SSRP1: variants seen among roughly 807,000 people sequenced by gnomAD.
SSRP1 encodes the protein FACT complex subunit SSRP1.
In SSRP1, 21 loss-of-function variants were observed where a neutral mutation model predicts 84.4. The ratio of observed to expected loss-of-function variants is 0.25; its 90% CI spans 0.18 to 0.36. SSRP1 has a LOEUF of 0.36. Among genes scored for constraint, SSRP1 ranks in the 10% least tolerant of loss-of-function variants. The pLI is 1.00. For synonymous variants in SSRP1, 319 were observed against 318.3 expected (o/e 1.00, Z -0.02); for missense variants, 519 against 900.8 (o/e 0.58, Z 5.43).
chr11:57,333,347 T>A, intron 4 of SSRP1, 88 bp downstream of exon 4: 1 of 1,252,798 alleles, frequency 8.0e-7, no homozygotes, highest in Non-Finnish European at 1.2e-6. Context: ...CCAGAGACAG[T>A]GGCAGAGGGA....
chr11:57,328,481 C>T, intron 12 of SSRP1, 55 bp from the exon 13 acceptor site: 2 of 1,607,036 alleles, frequency 1.2e-6, no homozygotes, highest in Non-Finnish European at 1.7e-6. Flanking sequence ...GACCCCACGG[C>T]CTCAGGACAG....
chr11:57,326,241 T>G lies in SSRP1; in HGVS notation c.*166A>C. 3 of 659,718 alleles carry G rather than the reference T, an allele frequency of 4.5e-6. No homozygotes were observed. The allele number at this position is 659,718 out of a possible 1,614,324, so 40.9% of individuals were successfully genotyped here. On this transcript the variant is annotated 3_prime_UTR_variant, in exon 17 of 17. Coordinates refer to ENST00000278412, the MANE Select transcript of SSRP1 (RefSeq NM_003146.3). ...AGCCATCCTTGGGAAGCAGCAGAGT[T>G]AAGACGTCTCCCCACTGCCCTAGTG...
chr11:57,332,690 G>A lies in SSRP1; in HGVS notation c.703C>T (p.Pro235Ser). 1 of 1,614,014 alleles carries A rather than the reference G, an allele frequency of 6.2e-7. No individual in the cohort carries two copies. Among genetic ancestry groups the A allele is most frequent in the Non-Finnish European group, 8.5e-7 (1 of 1,180,000 alleles). The change falls in exon 6 of 17, where the codon CCC (proline) becomes TCC (serine). Residue 235 changes from proline to serine, a missense_variant. Pro to Ser is a moderately conservative substitution (Grantham distance 74). Transcript: ENST00000278412. The surrounding 1 kb of genome is among the most constrained non-coding windows in gnomAD (Gnocchi z 5.5). ...AACAGACGCAGTACTGTGGTGTAGG[G>A]GATCTTGTAGTCAAAGGTCTTGCCA... The part of the protein sequence containing the change: ...LHGKTFDYKI[P>S]YTTVLRLFLL...
Position 57,326,824 on chromosome 11 carries a change from C to T in SSRP1, c.1937G>A (p.Gly646Asp). 6.2e-7 allele frequency: 1 copy of T among 1,614,218 alleles called. No individual in the cohort carries two copies. Among genetic ancestry groups the T allele is most frequent in the Non-Finnish European group, 8.5e-7 (1 of 1,180,028 alleles). The change falls in exon 16 of 17, where the codon GGC (glycine) becomes GAC (aspartate). Residue 646 changes from glycine (G) to aspartate (D), a missense_variant. Coordinates refer to ENST00000278412, the MANE Select transcript of SSRP1 (RefSeq NM_003146.3). ...CCTTGAGGACGACTTGGATGATGAG[C>T]CCCTAGAGGGCGTGGATTTCTTTTC... ...KMEKKSTPSR[G>D]SSSKSSSRQL...
At chr11:57,327,356 A>G in intron 15 of SSRP1, 70 bp downstream of exon 15, 1 of 1,480,000 alleles carries the variant, frequency 6.8e-7, no homozygotes, top group Non-Finnish European at 9.4e-7. Context: ...CCAATGCTCA[A>G]CTTCGGCCTG....
intron 15 of SSRP1, chr11:57,327,157 C>G (rs1028637390): frequency 1.5e-6 from 1 of 661,224 alleles, no homozygotes; most frequent in African/African-American, 1.8e-5. Context: ...GCAAACTGTG[C>G]ACTGCACTCC....
intron 16 of SSRP1, 105 bp from the exon 17 acceptor site, chr11:57,326,583 C>T: frequency 6.3e-7 from 1 of 1,588,422 alleles, no homozygotes; most frequent in Non-Finnish European, 8.6e-7. Flanking sequence ...TACAGCACCC[C>T]CCTTCAGAAC....
rs760247063 is a variant in SSRP1 at position 57,326,386 on chromosome 11, A to G, written c.*21T>C. The G allele has an allele frequency of 1.2e-6, 2 of 1,613,820 alleles. No homozygotes were observed. Among genetic ancestry groups the G allele is most frequent in the Admixed American group, 1.7e-5 (1 of 60,018 alleles). On this transcript the variant is annotated 3_prime_UTR_variant, in exon 17 of 17. Coordinates refer to ENST00000278412, the MANE Select transcript of SSRP1 (RefSeq NM_003146.3). Reference sequence around the variant, plus strand: ...TCGGGGGGTGTGAGAAGGCAAGCGCAAAGAGAACCTTCCTCCGTTTCTACT... The same window carrying G: ...TCGGGGGGTGTGAGAAGGCAAGCGCGAAGAGAACCTTCCTCCGTTTCTACT...
chr11:57,326,829 A>G lies in SSRP1; in HGVS notation c.1932T>C (p.Ser644=), dbSNP rs1590603371. 1 of 1,614,184 alleles carries G rather than the reference A, an allele frequency of 6.2e-7. No homozygotes were observed. Among genetic ancestry groups the G allele is most frequent in the Non-Finnish European group, 8.5e-7 (1 of 1,180,026 alleles). Residue 644 remains serine, a synonymous_variant, in exon 16 of 17, where the codon TCT becomes TCC. Coordinates refer to ENST00000278412, the MANE Select transcript of SSRP1 (RefSeq NM_003146.3). ...KVKMEKKSTP[S]RGSSSKSSSR... ...AGGACGACTTGGATGATGAGCCCCT[A>G]GAGGGCGTGGATTTCTTTTCCATCT...
At position 57,330,328 on chromosome 11, in the gene SSRP1, A is replaced by G. The variant is rs753993803; in HGVS notation, c.1398T>C (p.Asn466=). Residue 466 remains asparagine, a synonymous_variant, in exon 11 of 17, where the codon AAT becomes AAC. Coordinates refer to ENST00000278412, the MANE Select transcript of SSRP1 (RefSeq NM_003146.3). This position sits in a 1 kb window ranked among gnomAD's most constrained non-coding sequence, Gnocchi z 4.0. ...MKEEGKIREE[N]ANDSSDDSGE... Reference sequence around the variant, plus strand: ...CTGAGTCATCGCTGCTGTCATTGGCATTCTCCTCCCGGATCTTGCCTTCCT... The same window carrying G: ...CTGAGTCATCGCTGCTGTCATTGGCGTTCTCCTCCCGGATCTTGCCTTCCT... 16 of 1,614,032 alleles carry G rather than the reference A, an allele frequency of 9.9e-6. No individual in the cohort carries two copies. The highest frequency in any genetic ancestry group is 1.4e-5 in the Non-Finnish European group (16 of 1,180,050).
intron 4 of SSRP1, 119 bp from the exon 5 acceptor site, chr11:57,333,268 A>C: frequency 8.2e-7 from 1 of 1,219,108 alleles, no homozygotes; most frequent in Non-Finnish European, 1.2e-6. Flanking sequence ...TTAGACTATA[A>C]CCCCAACCCC....
Position 57,333,547 on chromosome 11 carries a change from G to A in SSRP1, c.241-7C>T, listed in dbSNP as rs780558710. The A allele has an allele frequency of 1.9e-6, 3 of 1,605,444 alleles. No individual in the cohort carries two copies. Among genetic ancestry groups the A allele is most frequent in the Non-Finnish European group, 2.6e-6 (3 of 1,172,480 alleles). On this transcript the variant is annotated splice_region_variant and splice_polypyrimidine_tract_variant and intron_variant, in intron 3 of 16. Transcript: ENST00000278412. ...CAGAGAGTTTCTCAAACTCCTGTGG[G>A]TGGAGGGAAGAAAGCACAATCCCAG...
Position 57,328,324 on chromosome 11 carries a change from G to A in SSRP1, c.1584C>T (p.Asp528=), listed in dbSNP as rs762902374. 1 of 1,614,162 alleles carries A rather than the reference G, an allele frequency of 6.2e-7. No individual in the cohort carries two copies. The highest frequency in any genetic ancestry group is 1.1e-5 in the South Asian group (1 of 91,078). ...KQLKKAKMAK[D]RKSRKKPVEV... ...CCACAGGCTTCTTGCGGCTCTTGCG[G>A]TCCTTGGCCATCTTGGCCTTTTTGA... The change falls in exon 13 of 17, where the codon GAC becomes GAT. Residue 528 remains aspartate (D), a synonymous_variant. Coordinates refer to ENST00000278412, the MANE Select transcript of SSRP1 (RefSeq NM_003146.3).
intron 9 of SSRP1, 60 bp downstream of exon 9, chr11:57,331,608 T>A: frequency 6.9e-7 from 1 of 1,442,402 alleles, no homozygotes; most frequent in Non-Finnish European, 9.7e-7. Context: ...ACGCCAGCCT[T>A]CCTAGACAAA....
chr11:57,327,574 C>T, intron 14 of SSRP1, 60 bp from the exon 15 acceptor site: 1 of 1,608,906 alleles, frequency 6.2e-7, no homozygotes, highest in Non-Finnish European at 8.5e-7. Context: ...CCCCTCTCCC[C>T]TGATGCAGGC....
rs376688484 is a variant in SSRP1 at position 57,334,610 on chromosome 11, G to A, written c.93C>T (p.Ile31=). The change falls in exon 3 of 17, where the codon ATC becomes ATT. Residue 31 remains isoleucine, a synonymous_variant. Coordinates refer to ENST00000278412, the MANE Select transcript of SSRP1 (RefSeq NM_003146.3). ...GRLRLSRQGI[I]FKNSKTGKVD... Reference sequence around the variant, plus strand: ...CTTTGCCTGTCTTGCTATTCTTGAAGATGATGCCCTGACGGCTCAACCTCA... The same window carrying A: ...CTTTGCCTGTCTTGCTATTCTTGAAAATGATGCCCTGACGGCTCAACCTCA... 5.0e-6 allele frequency: 8 copies of A among 1,614,084 alleles called. No homozygotes were observed. In the African/African-American group the frequency reaches 9.3e-5, roughly 19 times the overall value.
chr11:57,334,632 C>T lies in SSRP1; in HGVS notation c.71G>A (p.Arg24Lys). 6.2e-7 allele frequency: 1 copy of T among 1,614,138 alleles called. No individual in the cohort carries two copies. The highest frequency in any genetic ancestry group is 2.2e-5 in the East Asian group (1 of 44,890). Residue 24 changes from arginine to lysine, a missense_variant, in exon 3 of 17, where the codon AGG becomes AAG. Arg to Lys is a conservative substitution (Grantham distance 26, BLOSUM62 2). Coordinates refer to ENST00000278412, the MANE Select transcript of SSRP1 (RefSeq NM_003146.3). The stretch of plus-strand genomic sequence containing the variant: ...GAAGATGATGCCCTGACGGCTCAAC[C>T]TCAGTCGACCATCATTCTGTAAGAA... The part of the protein sequence containing the change: ...VKGSMNDGRL[R>K]LSRQGIIFKN...
intron 15 of SSRP1, chr11:57,327,128 T>C: frequency 1.3e-6 from 1 of 752,668 alleles, no homozygotes; most frequent in Non-Finnish European, 2.1e-6. Context: ...TATTTCTTGC[T>C]TTATCTTTTA....
intron 12 of SSRP1, 86 bp from the exon 13 acceptor site, chr11:57,328,512 T>C (rs1403997092): frequency 1.3e-6 from 2 of 1,558,164 alleles, no homozygotes; most frequent in Non-Finnish European, 1.7e-6. Flanking sequence ...AATCCAAAGA[T>C]ACCCACCCAA....
Sources: gnomAD v4.1 joint callset for allele counts on GRCh38, gnomAD v4.1.1 for gene constraint, Gnocchi (gnomAD v3.1) non-coding constraint, MANE v1.5 for transcripts, NCBI Gene and HGNC (gene_info 2026-07-23, HGNC 2026-07-21) for gene names.